MACROD2: variants seen among roughly 807,000 people sequenced by gnomAD.
MACROD2 encodes the protein mono-ADP ribosylhydrolase 2, also known as ADP-ribose glycohydrolase MACROD2.
MACROD2 carries 36 observed loss-of-function variants against 70.4 expected under a neutral mutation model. The observed-to-expected ratio is 0.51, with a 90% confidence interval of 0.39 to 0.68. The LOEUF is 0.68. Among genes scored for constraint, MACROD2 ranks in the 30% least tolerant of loss-of-function variants. MACROD2 has a pLI of 0.00. For synonymous variants in MACROD2, 172 were observed against 178.8 expected (o/e 0.96, Z 0.30); for missense variants, 496 against 538.4 (o/e 0.92, Z 0.78).
At chr20:14,443,661 A>T (rs1374892929) in intron 3 of MACROD2, among the ~76,000 whole-genome samples, 1 of 152,120 alleles carries the variant, frequency 6.6e-6, no homozygotes, top group Non-Finnish European at 1.5e-5. Flanking sequence ...GGAAAATGTC[A>T]AATTGATTCA....
At chr20:14,305,731 A>G (rs1045814749) in intron 3 of MACROD2, among the ~76,000 whole-genome samples, 6 of 152,184 alleles carry the variant, frequency 3.9e-5, no homozygotes, top group African/African-American at 1.4e-4. Flanking sequence ...TCTAATGAAA[A>G]TTCTTTAACA....
intron 5 of MACROD2, among the ~76,000 whole-genome samples, chr20:15,027,003 C>T (rs771677530): frequency 7.2e-5 from 11 of 152,088 alleles, no homozygotes; most frequent in Non-Finnish European, 1.3e-4. Context: ...GTTTCCTAGG[C>T]AGAAAGCTCA....
chr20:14,100,715 T>C (rs910346090), intron 3 of MACROD2, among the ~76,000 whole-genome samples: 1 of 9,224 alleles, frequency 1.1e-4, no homozygotes, highest in East Asian at 2.2e-3. Flanking sequence ...ATAGTATATA[T>C]ACATTTATAT....
At chr20:14,569,918 T>A (rs1267254107) in intron 4 of MACROD2, among the ~76,000 whole-genome samples, 1 of 152,046 alleles carries the variant, frequency 6.6e-6, no homozygotes, top group African/African-American at 2.4e-5. Flanking sequence ...GAACTGAGAT[T>A]CTTTTCCTCT....
intron 8 of MACROD2, among the ~76,000 whole-genome samples, chr20:15,710,206 A>C (rs940155145): frequency 1.6e-4 from 24 of 152,070 alleles, no homozygotes; most frequent in African/African-American, 5.3e-4. Context: ...AAAAAAAAAA[A>C]AAAAAAACAA....
chr20:14,048,275 A>C (rs542374006), intron 2 of MACROD2, among the ~76,000 whole-genome samples: 4 of 152,302 alleles, frequency 2.6e-5, no homozygotes, highest in East Asian at 3.9e-4. Flanking sequence ...GAAATGTAAC[A>C]ATATGCAAGA....
chr20:14,091,553 C>T (rs1299251667), intron 3 of MACROD2, among the ~76,000 whole-genome samples: 1 of 152,010 alleles, frequency 6.6e-6, no homozygotes, highest in Non-Finnish European at 1.5e-5. Flanking sequence ...GTTTAATCAT[C>T]CACACTGTGT....
intron 4 of MACROD2, among the ~76,000 whole-genome samples, chr20:14,661,174 T>C (rs919058439): frequency 4.6e-5 from 7 of 152,134 alleles, no homozygotes; most frequent in Non-Finnish European, 1.0e-4. Context: ...GCCACCAGTG[T>C]GTAAGTGTTC....
At chr20:14,727,614 T>C (rs866195005) in intron 5 of MACROD2, among the ~76,000 whole-genome samples, 1 of 152,186 alleles carries the variant, frequency 6.6e-6, no homozygotes, top group Non-Finnish European at 1.5e-5. Flanking sequence ...ATCAACTGTC[T>C]CTTCAGTCTC....
chr20:14,062,264 G>GT (rs2053699660), intron 2 of MACROD2, among the ~76,000 whole-genome samples: 2 of 152,072 alleles, frequency 1.3e-5, no homozygotes, highest in South Asian at 4.1e-4. Flanking sequence ...TTTAGTAAAT[G>GT]TTTGAGTGTT....
intron 6 of MACROD2, among the ~76,000 whole-genome samples, chr20:15,309,575 T>C (rs1296628528): frequency 1.3e-5 from 2 of 152,220 alleles, no homozygotes; most frequent in Admixed American, 1.3e-4. Context: ...TTGATTTACT[T>C]CTTAATGAAT....
At chr20:14,687,611 G>A (rs1040587564) in intron 5 of MACROD2, among the ~76,000 whole-genome samples, 1 of 152,120 alleles carries the variant, frequency 6.6e-6, no homozygotes, top group African/African-American at 2.4e-5. Flanking sequence ...GAAATGACCA[G>A]TCAATCAATG....
intron 6 of MACROD2, among the ~76,000 whole-genome samples, chr20:15,345,084 G>C (rs1222723239): frequency 6.7e-6 from 1 of 149,430 alleles, no homozygotes; most frequent in East Asian, 2.0e-4. Flanking sequence ...GCTTTCTCTG[G>C]GGTCTCTTTT....
intron 8 of MACROD2, among the ~76,000 whole-genome samples, chr20:15,815,763 C>G (rs1224941399): frequency 6.6e-6 from 1 of 152,088 alleles, no homozygotes; most frequent in Non-Finnish European, 1.5e-5. Flanking sequence ...GACTTCTAGT[C>G]AAATTATGCA....
chr20:14,327,002 T>C, intron 3 of MACROD2: 4 of 1,613,706 alleles, frequency 2.5e-6, no homozygotes, highest in Non-Finnish European at 3.4e-6. Flanking sequence ...CCCCAGGGAA[T>C]TGTGCTAAGG....
At chr20:15,744,314 TGCTGACATTGATTATAGCTAA>T (rs1212247464) in intron 8 of MACROD2, among the ~76,000 whole-genome samples, 7 of 152,184 alleles carry the variant, frequency 4.6e-5, no homozygotes, top group African/African-American at 1.7e-4. Context: ...TCATTTTTTC[TGCTGACATTGATTATAGCTAA>T]GTTGACATTG....
At chr20:14,910,401 T>C (rs545029668) in intron 5 of MACROD2, among the ~76,000 whole-genome samples, 1 of 152,260 alleles carries the variant, frequency 6.6e-6, no homozygotes, top group East Asian at 1.9e-4. Context: ...AGGAAAACAC[T>C]GCAAGGAAAC....
At chr20:14,245,504 A>G (rs1342310048) in intron 3 of MACROD2, among the ~76,000 whole-genome samples, 1 of 152,192 alleles carries the variant, frequency 6.6e-6, no homozygotes, top group Non-Finnish European at 1.5e-5. Context: ...TAACTTGCAC[A>G]GAGTTGCATA....
chr20:15,466,105 G>A (rs1188256600), intron 7 of MACROD2, among the ~76,000 whole-genome samples: 2 of 152,156 alleles, frequency 1.3e-5, no homozygotes, highest in African/African-American at 4.8e-5. Flanking sequence ...GTGGTGGCAG[G>A]GGGTTACTTT....
Sources: gnomAD v4.1 joint callset for allele counts (sites outside exome capture counted in the v4.1 genomes callset) on GRCh38, gnomAD v4.1.1 for gene constraint, MANE v1.5 for transcripts, NCBI Gene and HGNC (gene_info 2026-07-23, HGNC 2026-07-21) for gene names.